The following XPA variants were observed in gnomAD, a reference collection of about 807,000 sequenced individuals.
XPA encodes the protein XPA, DNA damage recognition and repair factor, also known as DNA repair protein complementing XP-A cells.
In XPA, 27 loss-of-function variants were observed where a neutral mutation model predicts 35.7. The ratio of observed to expected loss-of-function variants is 0.76; its 90% CI spans 0.56 to 1.04. The LOEUF is 1.04. Ranked by LOEUF, XPA falls within the 50% of genes least tolerant of loss-of-function variation. XPA has a pLI of 0.00. For synonymous variants in XPA, 133 were observed against 118.4 expected (o/e 1.12, Z -0.80); for missense variants, 354 against 342.7 (o/e 1.03, Z -0.26).
the XPA span, among the ~76,000 whole-genome samples, chr9:97,668,203 T>G: frequency 6.6e-6 from 1 of 152,348 alleles, no homozygotes; most frequent in East Asian, 1.9e-4. Context: ...TCTGACTGGG[T>G]GATGCTGGGA....
chr9:97,657,349 T>C, the XPA span, among the ~76,000 whole-genome samples: 1 of 152,194 alleles, frequency 6.6e-6, no homozygotes, highest in Non-Finnish European at 1.5e-5. Flanking sequence ...ACTTAACTCT[T>C]TTTTCTATCT....
the XPA span, chr9:97,658,727 T>C: frequency 1.2e-6 from 2 of 1,607,606 alleles, no homozygotes; most frequent in South Asian, 2.2e-5. Context: ...TTTACAAGTA[T>C]GGAGATGAAA....
At chr9:97,681,581 G>A (rs1828541613) in intron 5 of XPA, among the ~76,000 whole-genome samples, 1 of 152,104 alleles carries the variant, frequency 6.6e-6, no homozygotes, top group African/African-American at 2.4e-5. Flanking sequence ...ACCTCTACCA[G>A]TATGGAATAA....
downstream of XPA, among the ~76,000 whole-genome samples, chr9:97,670,775 G>C (rs1468539843): frequency 6.6e-6 from 1 of 152,210 alleles, no homozygotes; most frequent in Non-Finnish European, 1.5e-5. Context: ...AGAGCTAGCT[G>C]AGCCTAGTCC....
intron 5 of XPA, among the ~76,000 whole-genome samples, chr9:97,677,412 G>A (rs1191047086): frequency 5.3e-5 from 8 of 152,080 alleles, no homozygotes. Flanking sequence ...GGGGCCAGGT[G>A]CAATGGCTCA....
downstream of XPA, among the ~76,000 whole-genome samples, chr9:97,670,465 G>T (rs952968362): frequency 5.3e-5 from 8 of 152,132 alleles, no homozygotes; most frequent in African/African-American, 1.2e-4. Context: ...CTAATTCATT[G>T]TATCTTCGGA....
chr9:97,689,363 A>G (rs1456840796), intron 3 of XPA, among the ~76,000 whole-genome samples, 171 bp downstream of exon 3: 2 of 152,218 alleles, frequency 1.3e-5, no homozygotes, highest in Non-Finnish European at 2.9e-5. Context: ...AAGCTTTAAT[A>G]AGCACAGATT....
At chr9:97,691,620 G>C (rs1260857050) in intron 2 of XPA, among the ~76,000 whole-genome samples, 1 of 152,130 alleles carries the variant, frequency 6.6e-6, no homozygotes, top group Non-Finnish European at 1.5e-5. Context: ...AGGCTGGGCA[G>C]GAGAATCGCT....
intron 4 of XPA, 84 bp from the exon 5 acceptor site, chr9:97,685,124 C>A: frequency 1.0e-5 from 11 of 1,070,798 alleles, no homozygotes; most frequent in South Asian, 1.4e-5. Flanking sequence ...CCAAAGGTAC[C>A]AAAGAATGAT....
chr9:97,655,318 C>T, the XPA span, among the ~76,000 whole-genome samples: 1 of 152,156 alleles, frequency 6.6e-6, no homozygotes, highest in African/African-American at 2.4e-5. Context: ...TCAAGCAATC[C>T]TCCTGCCTTA....
the XPA span, chr9:97,662,941 T>C: frequency 1.3e-6 from 2 of 1,589,208 alleles, no homozygotes; most frequent in Non-Finnish European, 1.7e-6. Context: ...TTTTTTCCCA[T>C]CATTATCAAA....
intron 5 of XPA, among the ~76,000 whole-genome samples, chr9:97,679,246 C>T (rs959018306): frequency 2.6e-5 from 4 of 151,586 alleles, no homozygotes; most frequent in Non-Finnish European, 4.4e-5. Flanking sequence ...TTAAATGGTT[C>T]GGAAAAAAAT....
intron 5 of XPA, among the ~76,000 whole-genome samples, chr9:97,683,703 T>C (rs1828618746): frequency 6.9e-6 from 1 of 145,408 alleles, no homozygotes; most frequent in Non-Finnish European, 1.5e-5. Context: ...TAATTCTCTT[T>C]TCTGCACTGT....
the XPA span, among the ~76,000 whole-genome samples, chr9:97,657,156 C>T: frequency 7.2e-5 from 11 of 152,086 alleles, no homozygotes; most frequent in African/African-American, 2.7e-4. Context: ...TTAGTAGAGA[C>T]GGGGTTTCAC....
downstream of XPA, chr9:97,671,195 C>G (rs749986117): frequency 1.3e-6 from 2 of 1,586,752 alleles, no homozygotes; most frequent in Non-Finnish European, 1.7e-6. Context: ...GCCCTGCAGG[C>G]CTAAGGGTCA....
chr9:97,689,712 C>T, intron 2 of XPA, 73 bp from the exon 3 acceptor site: 1 of 873,472 alleles, frequency 1.1e-6, no homozygotes, highest in Non-Finnish European at 1.8e-6. Flanking sequence ...ATTTTATTAG[C>T]TTATCAGCAT....
At chr9:97,661,418 A>G in the XPA span, among the ~76,000 whole-genome samples, 1 of 152,234 alleles carries the variant, frequency 6.6e-6, no homozygotes, top group Non-Finnish European at 1.5e-5. Context: ...TTAGAATAAT[A>G]ATGTTTAACA....
chr9:97,683,623 G>T (rs951518813), intron 5 of XPA, among the ~76,000 whole-genome samples: 1 of 152,126 alleles, frequency 6.6e-6, no homozygotes, highest in African/African-American at 2.4e-5. Context: ...AAAAGAACAG[G>T]AAGAGCAAAA....
chr9:97,665,015 A>T, the XPA span, among the ~76,000 whole-genome samples: 1 of 152,204 alleles, frequency 6.6e-6, no homozygotes, highest in Non-Finnish European at 1.5e-5. Context: ...GTTCTTATTT[A>T]TGAAGTTCAC....
Sources: gnomAD v4.1 joint callset for allele counts (sites outside exome capture counted in the v4.1 genomes callset) on GRCh38, gnomAD v4.1.1 for gene constraint, MANE v1.5 for transcripts, NCBI Gene and HGNC (gene_info 2026-07-23, HGNC 2026-07-21) for gene names.